ST18: variants seen among roughly 807,000 people sequenced by gnomAD.
ST18 encodes the protein ST18 C2H2C-type zinc finger transcription factor.
ST18 carries 50 observed loss-of-function variants against 110.0 expected under a neutral mutation model. The ratio of observed to expected loss-of-function variants is 0.45; its 90% CI spans 0.36 to 0.58. The LOEUF is 0.58. ST18 is among the 20% of genes least tolerant of loss of function. The probability of loss-of-function intolerance (pLI) is 0.00; values close to 1 mark genes in which losing one functional copy is unlikely to be tolerated. For synonymous variants in ST18, 461 were observed against 452.4 expected (o/e 1.02, Z -0.24); for missense variants, 1,306 against 1,280.1 (o/e 1.02, Z -0.31).
Position 52,172,276 on chromosome 8 carries a change from G to C in ST18, c.585C>G (p.Asn195Lys), listed in dbSNP as rs1382783567. ...CCCAGCCATTTTCTGCACTTTCAGAGTTACTTTCATTGTCATCAGAGGAGC... is the reference window on the plus strand; with the variant it reads ...CCCAGCCATTTTCTGCACTTTCAGACTTACTTTCATTGTCATCAGAGGAGC... The part of the protein sequence containing the change: ...PFCSSDDNES[N>K]SESAENGWDS... The change falls in exon 10 of 26, where the codon AAC (asparagine) becomes AAG (lysine). Residue 195 changes from asparagine to lysine, a missense_variant. Physicochemically the swap from Asn to Lys is moderately conservative, Grantham distance 94 (BLOSUM62 0). Coordinates refer to ENST00000689386, the MANE Select transcript of ST18 (RefSeq NM_001352837.2). 7 of 1,614,170 alleles carry C rather than the reference G, an allele frequency of 4.3e-6. No homozygotes were observed. The highest frequency in any genetic ancestry group is 2.2e-5 in the South Asian group (2 of 91,080).
intron 2 of ST18, chr8:52,393,554 G>A (rs1378437106): frequency 6.6e-6 from 1 of 151,990 alleles, no homozygotes; most frequent in East Asian, 1.9e-4. Flanking sequence ...ACACTCAAGA[G>A]GCAGTAATTT....
chr8:52,165,809 G>A (rs957388733), intron 11 of ST18, among the ~76,000 whole-genome samples: 10 of 152,204 alleles, frequency 6.6e-5, no homozygotes, highest in African/African-American at 2.2e-4. Context: ...TCACTTTTGA[G>A]AAGAATGATG....
intron 22 of ST18, among the ~76,000 whole-genome samples, chr8:52,131,059 A>G (rs1346654739): frequency 2.0e-5 from 3 of 152,242 alleles, no homozygotes; most frequent in Non-Finnish European, 4.4e-5. Context: ...AACAGGTTTT[A>G]CTGAATATTT....
At chr8:52,394,234 C>G (rs1196807743) in intron 2 of ST18, among the ~76,000 whole-genome samples, 1 of 152,188 alleles carries the variant, frequency 6.6e-6, no homozygotes, top group Non-Finnish European at 1.5e-5. Context: ...TAATTTCTGC[C>G]AATTCCACCT....
chr8:52,197,014 A>G (rs1452093484), intron 8 of ST18, among the ~76,000 whole-genome samples: 1 of 152,258 alleles, frequency 6.6e-6, no homozygotes, highest in Non-Finnish European at 1.5e-5. Context: ...TATTTTATAA[A>G]CAAAATAAGA....
intron 2 of ST18, among the ~76,000 whole-genome samples, chr8:52,381,984 C>CAAA (rs1834759427): frequency 7.5e-6 from 1 of 132,626 alleles, no homozygotes; most frequent in African/African-American, 3.2e-5. Flanking sequence ...CAAAAAAAAA[C>CAAA]AAAAAAACAA....
chr8:52,350,346 A>G (rs1819731464), intron 2 of ST18, among the ~76,000 whole-genome samples: 1 of 152,138 alleles, frequency 6.6e-6, no homozygotes, highest in South Asian at 2.1e-4. Context: ...CACTTCTGTG[A>G]CGTGTTTGAC....
At position 52,260,257 on chromosome 8, in the gene ST18, A is replaced by C. The variant is rs146698459; in HGVS notation, c.-464-30180T>G. On this transcript the variant is annotated intron_variant, in intron 2 of 25. Transcript: ENST00000689386. ...TATCTCTATACCTATACCTATGCCT[A>C]CACCTATGGCTGCATCTATATTTGT... 3.3e-3 allele frequency among the ~76,000 whole-genome samples: 502 copies of C among 151,912 alleles called. 5 individuals are homozygous for C. Among genetic ancestry groups the C allele is most frequent in the African/African-American group, 0.011 (470 of 41,152 alleles).
intron 2 of ST18, among the ~76,000 whole-genome samples, chr8:52,299,983 C>T (rs1403802181): frequency 6.6e-6 from 1 of 152,196 alleles, no homozygotes; most frequent in East Asian, 1.9e-4. Context: ...AAGCTCTAGA[C>T]CACAGCGTTG....
At chr8:52,233,593 G>A (rs1277683741) in intron 2 of ST18, among the ~76,000 whole-genome samples, 1 of 151,960 alleles carries the variant, frequency 6.6e-6, no homozygotes, top group Non-Finnish European at 1.5e-5. Context: ...GACTAAGTAA[G>A]CGTCTCTGGT....
chr8:52,289,443 A>T (rs934469174), intron 2 of ST18, among the ~76,000 whole-genome samples: 1 of 152,086 alleles, frequency 6.6e-6, no homozygotes, highest in Non-Finnish European at 1.5e-5. Context: ...ACAGATCAGG[A>T]CTCTGTCTCA....
At chr8:52,300,308 A>T (rs565642030) in intron 2 of ST18, among the ~76,000 whole-genome samples, 2 of 152,196 alleles carry the variant, frequency 1.3e-5, no homozygotes, top group Non-Finnish European at 2.9e-5. Context: ...GAATACTCGA[A>T]CACTCATGGA....
At chr8:52,351,015 T>A (rs1820086848) in intron 2 of ST18, among the ~76,000 whole-genome samples, 1 of 152,130 alleles carries the variant, frequency 6.6e-6, no homozygotes, top group Non-Finnish European at 1.5e-5. Context: ...CCACCGTGCC[T>A]GGCCGTCTTT....
chr8:52,286,414 G>A (rs954904499), intron 2 of ST18, among the ~76,000 whole-genome samples: 2 of 152,158 alleles, frequency 1.3e-5, no homozygotes, highest in Admixed American at 6.5e-5. Context: ...TCAAATGCAG[G>A]TATTGGACCC....
At chr8:52,375,390 C>T (rs1831931763) in intron 2 of ST18, among the ~76,000 whole-genome samples, 2 of 152,136 alleles carry the variant, frequency 1.3e-5, no homozygotes, top group Admixed American at 1.3e-4. Context: ...CCCCAAAAAC[C>T]TTGACTTACT....
At chr8:52,135,767 T>C (rs1006636704) in intron 19 of ST18, among the ~76,000 whole-genome samples, 4 of 152,040 alleles carry the variant, frequency 2.6e-5, no homozygotes, top group Non-Finnish European at 5.9e-5. Flanking sequence ...CTTAAAAAAG[T>C]GAAGGACTAA....
chr8:52,315,539 T>C (rs1285983121), intron 2 of ST18, among the ~76,000 whole-genome samples: 4 of 152,240 alleles, frequency 2.6e-5, no homozygotes, highest in Admixed American at 2.0e-4. Flanking sequence ...ACTTATTATC[T>C]TCTGTATTCT....
chr8:52,159,168 TTTG>T, intron 14 of ST18, 59 bp from the exon 15 acceptor site: 1 of 1,500,966 alleles, frequency 6.7e-7, no homozygotes, highest in East Asian at 2.3e-5. Context: ...ATTAAACAGA[TTTG>T]TTTTTTTTAA....
intron 2 of ST18, among the ~76,000 whole-genome samples, chr8:52,344,618 C>T (rs1227162015): frequency 6.6e-6 from 1 of 152,136 alleles, no homozygotes; most frequent in African/African-American, 2.4e-5. Context: ...CCAGGCTGGT[C>T]ACGAACCCCT....
Sources: gnomAD v4.1 joint callset for allele counts (sites outside exome capture counted in the v4.1 genomes callset) on GRCh38, gnomAD v4.1.1 for gene constraint, MANE v1.5 for transcripts, NCBI Gene and HGNC (gene_info 2026-07-23, HGNC 2026-07-21) for gene names.